The following RIMS1 variants were observed in gnomAD, a reference collection of about 807,000 sequenced individuals.
RIMS1 encodes the protein regulating synaptic membrane exocytosis protein 1.
In RIMS1, 83 loss-of-function variants were observed where a neutral mutation model predicts 214.1. The observed-to-expected ratio is 0.39, with a 90% CI of 0.32 to 0.47. RIMS1 has a LOEUF of 0.47. Ranked by LOEUF, RIMS1 falls within the 20% of genes least tolerant of loss-of-function variation. RIMS1 has a pLI of 0.99. For synonymous variants in RIMS1, 793 were observed against 786.8 expected (o/e 1.01, Z -0.13); for missense variants, 2,050 against 2,161.8 (o/e 0.95, Z 1.03).
chr6:72,253,865 A>T (rs2074574320), intron 16 of RIMS1, among the ~76,000 whole-genome samples: 1 of 151,854 alleles, frequency 6.6e-6, no homozygotes, highest in Admixed American at 6.6e-5. Flanking sequence ...TATGGTATTT[A>T]TTTATTTATT....
At chr6:72,006,212 AT>A (rs2151793129) in intron 2 of RIMS1, among the ~76,000 whole-genome samples, 1 of 152,280 alleles carries the variant, frequency 6.6e-6, no homozygotes, top group Non-Finnish European at 1.5e-5. Context: ...CCACCTCATA[AT>A]ACCATCCTAT....
intron 2 of RIMS1, among the ~76,000 whole-genome samples, chr6:72,066,224 G>T (rs1829265342): frequency 6.6e-6 from 1 of 152,074 alleles, no homozygotes; most frequent in African/African-American, 2.4e-5. Context: ...TATGTAGTTA[G>T]CCGAGAAAAA....
intron 16 of RIMS1, among the ~76,000 whole-genome samples, chr6:72,255,565 G>A (rs2075448977): frequency 6.6e-6 from 1 of 152,136 alleles, no homozygotes; most frequent in Admixed American, 6.6e-5. Flanking sequence ...TAACTTTGTA[G>A]TTATAGCCTT....
chr6:72,235,666 C>A lies in RIMS1; in HGVS notation c.1795C>A (p.Arg599Ser). Reference sequence around the variant, plus strand: ...TAAAGAGGGGGACCGATTAATTGGACGTGTTATTCTTAACAAGAGAACAAC... The same window carrying A: ...TAAAGAGGGGGACCGATTAATTGGAAGTGTTATTCTTAACAAGAGAACAAC... ...PSKEGDRLIG[R>S]VILNKRTTMP... Residue 599 changes from arginine to serine, a missense_variant, in exon 8 of 34, where the codon CGT becomes AGT. Physicochemically the swap from Arg to Ser is moderately radical, Grantham distance 110. Coordinates refer to ENST00000521978, the MANE Select transcript of RIMS1 (RefSeq NM_014989.7). The A allele has an allele frequency of 6.2e-7, 1 of 1,611,158 alleles. No individual in the cohort carries two copies. Among genetic ancestry groups the A allele is most frequent in the South Asian group, 1.1e-5 (1 of 90,518 alleles).
Position 72,398,485 on chromosome 6 carries a change from C to T in RIMS1, c.4720+135C>T, listed in dbSNP as rs182495268. 958 of 572,744 alleles carry T rather than the reference C, an allele frequency of 1.7e-3. 9 individuals are homozygous for T. The highest frequency in any genetic ancestry group is 0.016 in the African/African-American group (831 of 52,906). The allele number at this position is 572,744 out of a possible 1,614,324, so 35.5% of individuals were successfully genotyped here. On this transcript the variant is annotated intron_variant, in intron 32 of 33. Transcript: ENST00000521978. ...ATTAAAAAAGCAGTGTTTCTGTGTT[C>T]TTTGATGTTATTAAAACGGATTTGG...
chr6:72,353,542 TAAAAC>T (rs1250195130), intron 29 of RIMS1, among the ~76,000 whole-genome samples: 1 of 152,200 alleles, frequency 6.6e-6, no homozygotes, highest in African/African-American at 2.4e-5. Flanking sequence ...CCTTGCTTTA[TAAAAC>T]AAAACAGAAC....
intron 24 of RIMS1, among the ~76,000 whole-genome samples, chr6:72,290,158 C>T (rs2093130223): frequency 1.3e-5 from 2 of 152,218 alleles, no homozygotes; most frequent in African/African-American, 4.8e-5. Context: ...CCTCAAAAGG[C>T]AGGCTTCTTT....
intron 2 of RIMS1, among the ~76,000 whole-genome samples, chr6:72,056,384 C>T (rs1826177588): frequency 6.6e-6 from 1 of 152,112 alleles, no homozygotes; most frequent in Non-Finnish European, 1.5e-5. Flanking sequence ...ACATGTCTAA[C>T]AAACCTGTAC....
intron 2 of RIMS1, among the ~76,000 whole-genome samples, chr6:72,090,573 G>A (rs1835942377): frequency 6.6e-6 from 1 of 151,800 alleles, no homozygotes; most frequent in South Asian, 2.1e-4. Flanking sequence ...TTATAGAGTG[G>A]AATCAAAAAG....
chr6:72,085,865 T>G (rs1156279776), intron 2 of RIMS1, among the ~76,000 whole-genome samples: 1 of 152,220 alleles, frequency 6.6e-6, no homozygotes, highest in Middle Eastern at 3.4e-3. Context: ...ATTCTGAAAA[T>G]AGAATGGTGT....
intron 29 of RIMS1, among the ~76,000 whole-genome samples, chr6:72,384,644 C>T (rs2098553378): frequency 6.6e-6 from 1 of 152,144 alleles, no homozygotes; most frequent in Non-Finnish European, 1.5e-5. Context: ...AAGCTCCATT[C>T]TCTTTACTCT....
In RIMS1 at chr6:72,164,418, TC is replaced by T. The variant is rs374374740; in HGVS notation, c.472-15153del. 2.8e-4 allele frequency among the ~76,000 whole-genome samples: 43 copies of T among 152,092 alleles called. No homozygotes were observed. The South Asian group carries it at 6.0e-3, about 21-fold the overall frequency. On this transcript the variant is annotated intron_variant, in intron 4 of 33. Coordinates refer to ENST00000521978, the MANE Select transcript of RIMS1 (RefSeq NM_014989.7). ...CTGTCCTGCACCCACTGTCTGACAC[TC>T]CCCAGTGAGATGAACCCGGTACCTC...
chr6:72,361,971 GTATT>G (rs2097844762), intron 29 of RIMS1, among the ~76,000 whole-genome samples: 1 of 95,972 alleles, frequency 1.0e-5, no homozygotes, highest in Non-Finnish European at 2.1e-5. Context: ...GACCATTACT[GTATT>G]GTATTGTATT....
At chr6:72,260,557 A>G in intron 18 of RIMS1, 148 bp from the exon 19 acceptor site, 1 of 1,037,654 alleles carries the variant, frequency 9.6e-7, no homozygotes, top group Non-Finnish European at 1.4e-6. Context: ...AAATGCTTTT[A>G]TGTTTATTTT....
At chr6:72,140,860 A>G (rs1348431122) in intron 4 of RIMS1, among the ~76,000 whole-genome samples, 1 of 152,116 alleles carries the variant, frequency 6.6e-6, no homozygotes, top group East Asian at 1.9e-4. Context: ...ATAGATGTAA[A>G]GATACTTTTT....
At chr6:72,100,122 C>T (rs9360527) in intron 4 of RIMS1, 136 bp downstream of exon 4, 275,336 of 692,588 alleles carry the variant, frequency 0.4, 58,359 homozygotes, top group South Asian at 0.47. Flanking sequence ...ATTTCCAGCT[C>T]TCATGAAAAA....
intron 2 of RIMS1, among the ~76,000 whole-genome samples, chr6:72,089,153 A>C (rs113601729): frequency 1.4e-4 from 21 of 152,290 alleles, no homozygotes; most frequent in Non-Finnish European, 1.8e-4. Flanking sequence ...TCTTACGAAA[A>C]AGCTAGAAAT....
intron 28 of RIMS1, among the ~76,000 whole-genome samples, chr6:72,328,383 A>T (rs1328034210): frequency 6.6e-6 from 1 of 151,760 alleles, no homozygotes; most frequent in Non-Finnish European, 1.5e-5. Flanking sequence ...CCACCATGGC[A>T]CGTATATACC....
At chr6:72,109,738 G>A (rs1014669423) in intron 4 of RIMS1, among the ~76,000 whole-genome samples, 4 of 152,142 alleles carry the variant, frequency 2.6e-5, no homozygotes, top group African/African-American at 9.7e-5. Context: ...GGCTTTTGTT[G>A]CCATTGCCTT....
Sources: allele counts gnomAD v4.1 joint callset (sites outside exome capture counted in the v4.1 genomes callset), GRCh38; gene constraint gnomAD v4.1.1; transcripts MANE v1.5; gene names NCBI Gene and HGNC (gene_info 2026-07-23, HGNC 2026-07-21).